Variants in METTL16 observed in about 807,000 individuals in gnomAD.
METTL16 encodes RNA N(6)-adenosine-methyltransferase METTL16.
A neutral mutation model predicts 57.9 loss-of-function variants in METTL16; 19 were observed. That is an observed-to-expected ratio of 0.33 (90% CI 0.23 to 0.48). METTL16 has a LOEUF of 0.48. Among genes scored for constraint, METTL16 ranks in the 20% least tolerant of loss-of-function variants. METTL16 has a pLI of 0.99. For missense variants in METTL16, 434 were observed against 691.5 expected (o/e 0.63, Z 4.18); for synonymous variants, 246 against 255.6 (o/e 0.96, Z 0.36).
rs2066748666 is a variant in METTL16, at chr17:2,420,013, G to T, written c.1646C>A (p.Thr549Asn). Residue 549 changes from threonine (T) to asparagine (N), a missense_variant, in exon 10 of 10, where the codon ACC (threonine) becomes AAC (asparagine). Physicochemically the swap from Thr to Asn is moderately conservative, Grantham distance 65. Transcript: ENST00000263092. This position sits in a 1 kb window ranked among gnomAD's most constrained non-coding sequence, Gnocchi z 5.4. ...CCTGAAAATTTGGTTACGTATGTAG[G>T]TGCAAAGCTGGTTCATCAGATCCCT... ...QNRDLMNQLCTYIRNQIFRLV... is the reference protein window; with the variant it reads ...QNRDLMNQLCNYIRNQIFRLV... 1.2e-6 allele frequency: 2 copies of T among 1,614,032 alleles called. No individual in the cohort carries two copies. Among genetic ancestry groups the T allele is most frequent in the Admixed American group, 1.7e-5 (1 of 59,986 alleles).
In METTL16 at chr17:2,420,511, C is replaced by G. The variant is rs2066757189; in HGVS notation, c.1148G>C (p.Arg383Thr). ...CTGTCTCACACGCTCTCTTTTCTTT[C>G]TCCTTAAATGAATCCAGGAGTTTTC... ...AIENSWIHLRRKKRERVRQLR... is the reference protein window; with the variant it reads ...AIENSWIHLRTKKRERVRQLR... The change falls in exon 10 of 10, where the codon AGA (arginine) becomes ACA (threonine). Residue 383 changes from arginine (R) to threonine (T), a missense_variant. This residue lies in a region of METTL16 where 26 missense variants were observed against 63.0 expected (regional missense o/e 0.41). Transcript: ENST00000263092. This position sits in a 1 kb window ranked among gnomAD's most constrained non-coding sequence, Gnocchi z 5.4. 5.6e-6 allele frequency: 9 copies of G among 1,614,028 alleles called. No individual in the cohort carries two copies. The highest frequency in any genetic ancestry group is 7.6e-6 in the Non-Finnish European group (9 of 1,180,030).
intron 2 of METTL16, among the ~76,000 whole-genome samples, chr17:2,482,319 T>A (rs2067313207): frequency 6.6e-6 from 1 of 152,226 alleles, no homozygotes; most frequent in Admixed American, 6.5e-5. Flanking sequence ...ATTTCATTCA[T>A]GTCGCAGTTT....
chr17:2,460,010 GTATGTGTATA>G (rs2067138716), intron 6 of METTL16: 1 of 152,044 alleles, frequency 6.6e-6, no homozygotes, highest in South Asian at 2.1e-4. Flanking sequence ...CTCAGAAAAC[GTATGTGTATA>G]TATGTGTATA....
At chr17:2,455,196 C>T (rs140871195) in intron 6 of METTL16, 97 of 165,260 alleles carry the variant, frequency 5.9e-4, no homozygotes, top group Middle Eastern at 2.9e-3. Flanking sequence ...TCAAGCGATT[C>T]TCCTGCCTCA....
chr17:2,440,904 C>T (rs571739538), intron 7 of METTL16, among the ~76,000 whole-genome samples: 1 of 125,128 alleles, frequency 8.0e-6, no homozygotes, highest in South Asian at 2.7e-4. Context: ...CCCAGGAGTT[C>T]AAGGTTACAG....
intron 5 of METTL16, among the ~76,000 whole-genome samples, chr17:2,466,533 T>C (rs1296067761): frequency 6.6e-6 from 1 of 152,192 alleles, no homozygotes; most frequent in East Asian, 1.9e-4. Flanking sequence ...GAACTTTCTT[T>C]GTCGTTAAGT....
At chr17:2,428,076 G>C (rs1295943576) in intron 8 of METTL16, among the ~76,000 whole-genome samples, 1 of 151,862 alleles carries the variant, frequency 6.6e-6, no homozygotes, top group African/African-American at 2.4e-5. Flanking sequence ...GAAAAGAAAG[G>C]AAAGGAATCA....
intron 1 of METTL16, among the ~76,000 whole-genome samples, chr17:2,507,397 G>A (rs1435275604): frequency 2.7e-5 from 4 of 148,444 alleles, no homozygotes; most frequent in Middle Eastern, 3.2e-3. Context: ...CCCCCAGCCC[G>A]GCCAGCCGCC....
chr17:2,448,793 AATAAAAT>A lies in METTL16; in HGVS notation c.729-7241_729-7235del, dbSNP rs1567889955. 4.0e-3 allele frequency among the ~76,000 whole-genome samples: 375 copies of A among 94,376 alleles called. 5 individuals carry two copies. Among genetic ancestry groups the A allele is most frequent in the Non-Finnish European group, 6.0e-3 (304 of 50,960 alleles). 61.9% of individuals were successfully genotyped at this position (94,376 alleles called of 152,430 possible). On this transcript the variant is annotated intron_variant, in intron 6 of 9. Coordinates refer to ENST00000263092, the MANE Select transcript of METTL16 (RefSeq NM_024086.4). ...AAAAATAAAAAAATAAAAAAATAAA[AATAAAAT>A]TTAAAAAAAAAAAAAAAAAAAAAAA...
chr17:2,436,708 A>C (rs767837186), intron 8 of METTL16: 5 of 152,202 alleles, frequency 3.3e-5, no homozygotes, highest in Admixed American at 6.6e-5. Flanking sequence ...TTCAGCTGGG[A>C]ATCTCCAGGC....
chr17:2,490,213 T>C (rs1364643200), intron 2 of METTL16, among the ~76,000 whole-genome samples: 1 of 152,210 alleles, frequency 6.6e-6, no homozygotes, highest in East Asian at 1.9e-4. Flanking sequence ...CTGTATTATC[T>C]AAACACATTT....
At chr17:2,443,016 G>A (rs2151551178) in intron 6 of METTL16, among the ~76,000 whole-genome samples, 1 of 151,688 alleles carries the variant, frequency 6.6e-6, no homozygotes, top group Admixed American at 6.6e-5. Flanking sequence ...TTGAGACAGA[G>A]TACCACTCTG....
intron 2 of METTL16, among the ~76,000 whole-genome samples, chr17:2,500,424 G>A (rs1454120654): frequency 6.6e-6 from 1 of 152,090 alleles, no homozygotes; most frequent in Non-Finnish European, 1.5e-5. Flanking sequence ...GGGATTACAG[G>A]CTTGCGCCAC....
chr17:2,431,701 C>T (rs531255190), intron 8 of METTL16, among the ~76,000 whole-genome samples: 35 of 152,092 alleles, frequency 2.3e-4, no homozygotes, highest in African/African-American at 8.2e-4. Flanking sequence ...ATTTAACATC[C>T]TTTTTGGTAT....
chr17:2,482,165 G>C (rs928984091), intron 2 of METTL16, among the ~76,000 whole-genome samples: 1 of 152,192 alleles, frequency 6.6e-6, no homozygotes, highest in African/African-American at 2.4e-5. Context: ...TTAATCAATT[G>C]AGATAAATTA....
At chr17:2,433,164 T>C (rs1371487026) in intron 8 of METTL16, among the ~76,000 whole-genome samples, 1 of 152,176 alleles carries the variant, frequency 6.6e-6, no homozygotes, top group Admixed American at 6.5e-5. Context: ...GGGAGCTCTA[T>C]GCAAGTAAGT....
At chr17:2,422,727 TAATC>T (rs1407472709) in intron 8 of METTL16, among the ~76,000 whole-genome samples, 5 of 151,336 alleles carry the variant, frequency 3.3e-5, no homozygotes. Context: ...CTTATGCCTG[TAATC>T]CCAGCACTTT....
chr17:2,501,200 G>A (rs2067484262), intron 2 of METTL16, among the ~76,000 whole-genome samples: 1 of 152,148 alleles, frequency 6.6e-6, no homozygotes, highest in Middle Eastern at 3.2e-3. Context: ...GGCAAAGGAG[G>A]GAGGACCACT....
At chr17:2,433,288 A>G (rs1028976107) in intron 8 of METTL16, among the ~76,000 whole-genome samples, 1 of 152,184 alleles carries the variant, frequency 6.6e-6, no homozygotes, top group Admixed American at 6.5e-5. Context: ...GGCTGTGGAG[A>G]CAGTACAGTC....
Sources: allele counts gnomAD v4.1 joint callset (sites outside exome capture counted in the v4.1 genomes callset), GRCh38; gene constraint gnomAD v4.1.1; regional missense constraint gnomAD v4.1.1; non-coding constraint Gnocchi (gnomAD v3.1); transcripts MANE v1.5; gene names NCBI Gene and HGNC (gene_info 2026-07-23, HGNC 2026-07-21).